Variants in PDE4D observed in about 807,000 individuals in gnomAD.
PDE4D encodes phosphodiesterase 4D.
In PDE4D, 24 loss-of-function variants were observed where a neutral mutation model predicts 87.4. The observed-to-expected ratio is 0.27, with a 90% CI of 0.20 to 0.39. PDE4D has a LOEUF of 0.39. Among genes scored for constraint, PDE4D ranks in the 10% least tolerant of loss-of-function variants. The pLI is 1.00. For missense variants in PDE4D, 714 were observed against 1,041.0 expected (o/e 0.69, Z 4.32); for synonymous variants, 384 against 383.2 (o/e 1.00, Z -0.02).
intron 1 of PDE4D, among the ~76,000 whole-genome samples, chr5:60,375,287 G>A (rs993641208): frequency 6.6e-6 from 1 of 152,164 alleles, no homozygotes; most frequent in African/African-American, 2.4e-5. Flanking sequence ...CTGTGCTTCT[G>A]CATAGCTGGC....
At chr5:59,661,978 A>G (rs564703366) in intron 1 of PDE4D, among the ~76,000 whole-genome samples, 2 of 152,262 alleles carry the variant, frequency 1.3e-5, no homozygotes, top group East Asian at 3.9e-4. Flanking sequence ...GGGGGGATAT[A>G]TTGCTGAGAC....
intron 2 of PDE4D, among the ~76,000 whole-genome samples, chr5:60,089,989 G>GA (rs980924680): frequency 2.0e-5 from 3 of 151,942 alleles, no homozygotes; most frequent in Admixed American, 2.0e-4. Flanking sequence ...GAGAAAACCT[G>GA]AAAACCAGTA....
rs983390032 is a variant in PDE4D at position 59,733,712 on chromosome 5, T to C, written c.455+159456A>G. ...TCATCAATGTTGTTTTTGTGAATGG[T>C]AATAGCATCCATATTACCATCTTTT... On this transcript the variant is annotated intron_variant, in intron 1 of 14. Coordinates refer to ENST00000340635, the MANE Select transcript of PDE4D (RefSeq NM_001104631.2). Among the ~76,000 whole-genome samples the C allele has an allele frequency of 2.0e-5, 3 of 151,766 alleles. No homozygotes were observed. The East Asian group carries it at 5.8e-4, about 29-fold the overall frequency.
intron 1 of PDE4D, among the ~76,000 whole-genome samples, chr5:59,694,278 C>A (rs947509533): frequency 1.3e-5 from 2 of 152,176 alleles, no homozygotes; most frequent in African/African-American, 4.8e-5. Context: ...AAGTGCAGAT[C>A]AGAAGAATGA....
chr5:59,403,502 C>T (rs965326134), intron 1 of PDE4D, among the ~76,000 whole-genome samples: 1 of 152,156 alleles, frequency 6.6e-6, no homozygotes, highest in Non-Finnish European at 1.5e-5. Flanking sequence ...TAATCTCTAT[C>T]TCCAGGATCT....
chr5:59,438,189 T>C lies in PDE4D; in HGVS notation c.456-222221A>G, dbSNP rs186149242. Among the ~76,000 whole-genome samples the C allele has an allele frequency of 2.7e-4, 41 of 152,312 alleles. 1 individual carries two copies. The highest frequency in any genetic ancestry group is 1.2e-3 in the Admixed American group (18 of 15,304). ...ACTATAATTCAATGGGAACTAGGAT[T>C]CAAGATGAGATATGGGTGGGTACAC... On this transcript the variant is annotated intron_variant, in intron 1 of 14. Transcript: ENST00000340635.
At chr5:60,130,336 A>G (rs1779459199) in intron 2 of PDE4D, among the ~76,000 whole-genome samples, 2 of 152,186 alleles carry the variant, frequency 1.3e-5, no homozygotes, top group South Asian at 4.1e-4. Flanking sequence ...TTACAGTAGA[A>G]AAGTATCCTG....
intron 1 of PDE4D, among the ~76,000 whole-genome samples, chr5:59,738,769 AAAT>A (rs1418793136): frequency 6.6e-6 from 1 of 151,806 alleles, no homozygotes; most frequent in Non-Finnish European, 1.5e-5. Context: ...ATAATTTGTA[AAAT>A]AATACCTATT....
At chr5:59,056,325 C>G (rs905362814) in intron 5 of PDE4D, among the ~76,000 whole-genome samples, 13 of 152,084 alleles carry the variant, frequency 8.5e-5, no homozygotes, top group African/African-American at 3.1e-4. Flanking sequence ...GAAGCTACAA[C>G]CACTGGAGCA....
At chr5:59,296,436 G>A (rs1561903565) in intron 1 of PDE4D, among the ~76,000 whole-genome samples, 1 of 151,860 alleles carries the variant, frequency 6.6e-6, no homozygotes, top group Admixed American at 6.6e-5. Flanking sequence ...ATCCTGCATT[G>A]TTACTCTTTA....
chr5:59,111,496 T>C lies in PDE4D; in HGVS notation c.808+69099A>G, dbSNP rs551337958. Among the ~76,000 whole-genome samples, 5 of 152,352 alleles carry C rather than the reference T, an allele frequency of 3.3e-5. No homozygotes were observed. The East Asian group carries it at 9.6e-4, about 29-fold the overall frequency. ...ATTGTTCCCTGGATGCTTTCTATTG[T>C]GCAACTGCCCTAATGTACAACTGGC... On this transcript the variant is annotated intron_variant, in intron 5 of 14. Transcript: ENST00000340635.
At chr5:58,991,202 A>C (rs1030815737) in intron 8 of PDE4D, among the ~76,000 whole-genome samples, 12 of 152,190 alleles carry the variant, frequency 7.9e-5, no homozygotes, top group Non-Finnish European at 7.3e-5. Context: ...GAATTGCTTG[A>C]ACCCAGGAGG....
intron 5 of PDE4D, among the ~76,000 whole-genome samples, chr5:59,084,382 G>A (rs1767305238): frequency 1.3e-5 from 2 of 151,454 alleles, no homozygotes; most frequent in South Asian, 4.2e-4. Context: ...TATTGGTGTT[G>A]GAAAAGAATT....
rs538981981 is a variant in PDE4D, at chr5:59,262,087, T to C, written c.456-46119A>G. 2.3e-4 allele frequency among the ~76,000 whole-genome samples: 35 copies of C among 152,014 alleles called. 2 individuals are homozygous for C. The South Asian group carries it at 7.0e-3, about 31-fold the overall frequency. ...ACTCCTACCAGGAAAGTAAAAACTA[T>C]TCCAAGGATATAGTAGAAGGTGAAA... is the stretch of plus-strand genomic sequence containing the variant. On this transcript the variant is annotated intron_variant, in intron 1 of 14. Transcript: ENST00000340635.
intron 1 of PDE4D, chr5:60,460,068 C>T: frequency 1.3e-6 from 2 of 1,596,330 alleles, no homozygotes; most frequent in Non-Finnish European, 1.7e-6. Flanking sequence ...CCTCTCATAA[C>T]TCATCAGCAC....
At chr5:59,016,760 T>C (rs1270043938) in intron 6 of PDE4D, among the ~76,000 whole-genome samples, 1 of 152,180 alleles carries the variant, frequency 6.6e-6, no homozygotes, top group Non-Finnish European at 1.5e-5. Context: ...CAGAGTTTTT[T>C]AGAATGGTTA....
rs1364262145 is a variant in PDE4D at position 59,595,060 on chromosome 5, CAA to C, written c.455+298106_455+298107del. Among the ~76,000 whole-genome samples, 17 of 152,192 alleles carry C rather than the reference CAA, an allele frequency of 1.1e-4. 1 individual carries two copies. The East Asian group carries it at 2.9e-3, about 26-fold the overall frequency. On this transcript the variant is annotated intron_variant, in intron 1 of 14. Transcript: ENST00000340635. ...AATGCTTTAAAAAATAAAGTTTTTA[CAA>C]AGTTACATGACAAGCATTAACATTT...
intron 1 of PDE4D, among the ~76,000 whole-genome samples, chr5:59,832,399 G>A (rs1195011610): frequency 1.3e-5 from 2 of 152,056 alleles, no homozygotes; most frequent in Non-Finnish European, 2.9e-5. Context: ...AATGAGTCGT[G>A]ATCAAAATGC....
intron 5 of PDE4D, among the ~76,000 whole-genome samples, chr5:59,050,360 GT>G (rs1561390058): frequency 1.3e-5 from 2 of 152,138 alleles, no homozygotes; most frequent in Admixed American, 6.5e-5. Context: ...TCTCAGAAAG[GT>G]AATTTCTTAT....
Sources: gnomAD v4.1 joint callset for allele counts (sites outside exome capture counted in the v4.1 genomes callset) on GRCh38, gnomAD v4.1.1 for gene constraint, MANE v1.5 for transcripts, NCBI Gene and HGNC (gene_info 2026-07-23, HGNC 2026-07-21) for gene names.